SGCD: variants seen among roughly 807,000 people sequenced by gnomAD.
The protein encoded by SGCD is delta-sarcoglycan.
A neutral mutation model predicts 36.6 loss-of-function variants in SGCD; 18 were observed. That is an observed-to-expected ratio of 0.49 (90% CI 0.34 to 0.73). SGCD has a LOEUF of 0.73. Ranked by LOEUF, SGCD falls within the 30% of genes least tolerant of loss-of-function variation. SGCD has a pLI of 0.01. For missense variants in SGCD, 387 were observed against 346.7 expected (o/e 1.12, Z -0.92); for synonymous variants, 133 against 130.6 (o/e 1.02, Z -0.12).
chr5:156,750,171 A>C (rs1757099579), intron 7 of SGCD, among the ~76,000 whole-genome samples: 1 of 152,140 alleles, frequency 6.6e-6, no homozygotes, highest in Non-Finnish European at 1.5e-5. Context: ...TTAATGATAG[A>C]AACTTTTGGC....
At chr5:155,744,090 G>A in the SGCD span, among the ~76,000 whole-genome samples, 1 of 152,252 alleles carries the variant, frequency 6.6e-6, no homozygotes, top group South Asian at 2.1e-4. Context: ...TCAGATATCA[G>A]AAAGAAAACA....
At chr5:155,837,781 C>G in the SGCD span, among the ~76,000 whole-genome samples, 1 of 152,194 alleles carries the variant, frequency 6.6e-6, no homozygotes. Context: ...ACTTTTTACT[C>G]AGCTACCTGA....
intron 7 of SGCD, among the ~76,000 whole-genome samples, chr5:156,700,958 A>G (rs1754505587): frequency 6.6e-6 from 1 of 150,912 alleles, no homozygotes; most frequent in Non-Finnish European, 1.5e-5. Context: ...AAAAAAAAAA[A>G]AGAGAGAGAG....
chr5:156,041,639 G>T (rs1252874767), intron 1 of SGCD, among the ~76,000 whole-genome samples: 3 of 152,142 alleles, frequency 2.0e-5, no homozygotes, highest in Non-Finnish European at 4.4e-5. Context: ...TTTCGCAACT[G>T]TGTGAAAGAT....
In SGCD at chr5:156,333,783, A is replaced by ATTTTTTTTT. The variant is rs70984404; in HGVS notation, c.3+4233_3+4241dup. On this transcript the variant is annotated intron_variant, in intron 2 of 8. Transcript: ENST00000337851. ...GTGCTTTCTTTATGTTAGAAAAGTG[A>ATTTTTTTTT]TTTTTTTTTTTTTTTTTTTTTTTTT... Among the ~76,000 whole-genome samples, 79 of 19,962 alleles carry ATTTTTTTTT rather than the reference A, an allele frequency of 4.0e-3. 13 individuals carry two copies. The highest frequency in any genetic ancestry group is 4.5e-3 in the Non-Finnish European group (47 of 10,472). 13.1% of individuals were successfully genotyped at this position (19,962 alleles called of 152,430 possible).
At chr5:156,631,888 G>A (rs948229995) in intron 6 of SGCD, among the ~76,000 whole-genome samples, 1 of 152,026 alleles carries the variant, frequency 6.6e-6, no homozygotes, top group Non-Finnish European at 1.5e-5. Context: ...AGACTGTTAG[G>A]GACAGACAGT....
At chr5:156,509,247 A>ACAGCCTGGAC (rs1202221729) in intron 4 of SGCD, among the ~76,000 whole-genome samples, 2 of 152,088 alleles carry the variant, frequency 1.3e-5, no homozygotes, top group East Asian at 3.9e-4. Flanking sequence ...CAACATAGTG[A>ACAGCCTGGAC]AACCCTGTCT....
At chr5:156,440,211 T>C (rs539398818) in intron 3 of SGCD, among the ~76,000 whole-genome samples, 51 of 152,278 alleles carry the variant, frequency 3.3e-4, no homozygotes, top group African/African-American at 1.2e-3. Flanking sequence ...CAGATATCAA[T>C]ATGTCATATA....
intron 3 of SGCD, among the ~76,000 whole-genome samples, chr5:156,445,057 C>T (rs1452153313): frequency 2.0e-5 from 3 of 152,106 alleles, no homozygotes; most frequent in South Asian, 2.1e-4. Flanking sequence ...TGAATGTTCC[C>T]GCAGACTGTA....
At chr5:156,295,608 T>G (rs900182279) in intron 3 of SGCD, among the ~76,000 whole-genome samples, 6 of 152,188 alleles carry the variant, frequency 3.9e-5, no homozygotes, top group African/African-American at 1.4e-4. Flanking sequence ...ACTCTCACCC[T>G]GCACTGGCAG....
chr5:155,992,015 C>T (rs1469377242), intron 1 of SGCD, among the ~76,000 whole-genome samples: 1 of 152,136 alleles, frequency 6.6e-6, no homozygotes, highest in Non-Finnish European at 1.5e-5. Context: ...ACTTTTCTTC[C>T]TCCCTTATGG....
At chr5:156,273,359 T>G (rs1766228950) in intron 3 of SGCD, among the ~76,000 whole-genome samples, 1 of 152,256 alleles carries the variant, frequency 6.6e-6, no homozygotes, top group Non-Finnish European at 1.5e-5. Context: ...GAACTCATTT[T>G]TCTTGCAAGT....
At chr5:156,074,311 C>A (rs1449305704) in intron 1 of SGCD, among the ~76,000 whole-genome samples, 1 of 151,952 alleles carries the variant, frequency 6.6e-6, no homozygotes, top group African/African-American at 2.4e-5. Context: ...TTGAAGGGAG[C>A]TGATCATAAT....
intron 3 of SGCD, among the ~76,000 whole-genome samples, chr5:156,474,195 C>T (rs1309488527): frequency 6.6e-6 from 1 of 152,116 alleles, no homozygotes; most frequent in Admixed American, 6.5e-5. Context: ...TAAACACCCA[C>T]AGGACAGTCC....
chr5:155,896,645 CAA>C (rs34856419), intron 1 of SGCD, among the ~76,000 whole-genome samples: 17,938 of 127,994 alleles, frequency 0.14, 1,895 homozygotes, highest in Admixed American at 0.38. Flanking sequence ...GACCGTGTCT[CAA>C]AAAAAAAAAA....
At chr5:156,334,609 C>CTTTTTTTTTTTTTT (rs35767339) in intron 2 of SGCD, among the ~76,000 whole-genome samples, 30 of 105,080 alleles carry the variant, frequency 2.9e-4, no homozygotes, top group Non-Finnish European at 3.2e-4. Flanking sequence ...GGTCTATTTT[C>CTTTTTTTTTTTTTT]TTTTTTTTTT....
the SGCD span, among the ~76,000 whole-genome samples, chr5:155,776,475 A>C: frequency 1.3e-5 from 2 of 152,176 alleles, no homozygotes; most frequent in East Asian, 3.9e-4. Context: ...GACACTGGAT[A>C]AATATGGTTA....
intron 3 of SGCD, among the ~76,000 whole-genome samples, chr5:156,275,158 C>A (rs969698770): frequency 6.6e-6 from 1 of 152,206 alleles, no homozygotes; most frequent in Non-Finnish European, 1.5e-5. Context: ...TGCCCATAAT[C>A]CCCTGATTGA....
At chr5:155,971,641 G>A (rs1194552296) in intron 1 of SGCD, among the ~76,000 whole-genome samples, 1 of 152,024 alleles carries the variant, frequency 6.6e-6, no homozygotes, top group African/African-American at 2.4e-5. Flanking sequence ...ACGGGGTCAG[G>A]GGGAAAATAC....
Sources: gnomAD v4.1 joint callset for allele counts (sites outside exome capture counted in the v4.1 genomes callset) on GRCh38, gnomAD v4.1.1 for gene constraint, MANE v1.5 for transcripts, NCBI Gene and HGNC (gene_info 2026-07-23, HGNC 2026-07-21) for gene names.